Variants in MYLIP observed in about 807,000 individuals in gnomAD.
MYLIP encodes myosin regulatory light chain interacting protein.
MYLIP carries 26 observed loss-of-function variants against 45.8 expected under a neutral mutation model. The observed-to-expected ratio is 0.57, with a 90% CI of 0.42 to 0.79. MYLIP has a LOEUF of 0.79. Among genes scored for constraint, MYLIP ranks in the 30% least tolerant of loss-of-function variants. The pLI is 0.00. For synonymous variants in MYLIP, 213 were observed against 218.1 expected (o/e 0.98, Z 0.21); for missense variants, 494 against 555.6 (o/e 0.89, Z 1.11).
intron 2 of MYLIP, among the ~76,000 whole-genome samples, chr6:16,137,932 C>T (rs1759588420): frequency 6.6e-6 from 1 of 151,860 alleles, no homozygotes. Flanking sequence ...TCATCTGTGC[C>T]CACGATGCCA....
downstream of MYLIP, among the ~76,000 whole-genome samples, chr6:16,150,197 G>A (rs193022952): frequency 1.3e-5 from 2 of 152,318 alleles, no homozygotes; most frequent in East Asian, 3.9e-4. Flanking sequence ...CCGACAACAG[G>A]ATAGGGATAA....
rs763592472 is a variant in MYLIP at position 16,143,832 on chromosome 6, C to T, written c.796C>T (p.Arg266Ter). 1 of 1,612,724 alleles carries T rather than the reference C, an allele frequency of 6.2e-7. No individual in the cohort carries two copies. The highest frequency in any genetic ancestry group is 1.7e-5 in the Admixed American group (1 of 59,772). ...ISTRAASGLY[R>*]AITETHAFYR... ...CACCAGGGCGGCCAGCGGGCTCTAC[C>T]GAGCGATAACAGAGACGCACGCATT... The change falls in exon 5 of 7, where the codon CGA becomes TGA. Residue 266 changes from arginine to a stop codon, truncating the protein, a stop_gained. Coordinates refer to ENST00000356840, the MANE Select transcript of MYLIP (RefSeq NM_013262.4). LOFTEE classifies it high-confidence loss of function.
intron 5 of MYLIP, 91 bp downstream of exon 5, chr6:16,143,954 G>A (rs1759732980): frequency 5.1e-6 from 7 of 1,383,818 alleles, no homozygotes; most frequent in Non-Finnish European, 6.9e-6. Context: ...GGATTGTTGT[G>A]TCAATGAGTC....
At chr6:16,162,749 T>TAG in the MYLIP span, among the ~76,000 whole-genome samples, 2 of 125,176 alleles carry the variant, frequency 1.6e-5, no homozygotes, top group African/African-American at 6.9e-5. Flanking sequence ...CCAGGAGTTC[T>TAG]AGACCAGCCT....
At chr6:16,148,322 T>C (rs1009618350), downstream of MYLIP, 2 of 152,228 alleles carry the variant, frequency 1.3e-5, no homozygotes, top group Admixed American at 6.5e-5. Flanking sequence ...AACATCACAG[T>C]TAGTATCTAC....
chr6:16,130,036 G>T (rs1057145201), intron 1 of MYLIP, among the ~76,000 whole-genome samples: 1 of 152,206 alleles, frequency 6.6e-6, no homozygotes, highest in Non-Finnish European at 1.5e-5. Context: ...AGGTGGTATG[G>T]CAGACAGCAC....
chr6:16,159,744 G>C, the MYLIP span, among the ~76,000 whole-genome samples: 1 of 152,306 alleles, frequency 6.6e-6, no homozygotes, highest in East Asian at 1.9e-4. Flanking sequence ...AATGTGGACA[G>C]AAGACCTGAA....
chr6:16,149,598 T>C (rs1759854021), downstream of MYLIP, among the ~76,000 whole-genome samples: 1 of 152,214 alleles, frequency 6.6e-6, no homozygotes, highest in African/African-American at 2.4e-5. Flanking sequence ...GTCACAGTGG[T>C]GGGGAATCTT....
In MYLIP at chr6:16,144,946, A is replaced by C; in HGVS notation, c.877A>C (p.Lys293Gln). The C allele has an allele frequency of 6.2e-7, 1 of 1,614,212 alleles. No individual in the cohort carries two copies. The highest frequency in any genetic ancestry group is 8.5e-7 in the Non-Finnish European group (1 of 1,180,030). ...AVMMQYSRDL[K>Q]GHLASLFLNE... ...GATGATGCAGTATAGCCGTGACTTG[A>C]AGGGCCACTTGGCATCTCTGTTTCT... The change falls in exon 6 of 7, where the codon AAG becomes CAG. Residue 293 changes from lysine (K) to glutamine (Q), a missense_variant. Physicochemically the swap from Lys to Gln is moderately conservative, Grantham distance 53. Coordinates refer to ENST00000356840, the MANE Select transcript of MYLIP (RefSeq NM_013262.4).
At chr6:16,158,473 C>T in the MYLIP span, among the ~76,000 whole-genome samples, 1 of 152,110 alleles carries the variant, frequency 6.6e-6, no homozygotes, top group African/African-American at 2.4e-5. Flanking sequence ...GAATTACCAT[C>T]GATACCAACA....
At chr6:16,151,995 T>C (rs868232672), downstream of MYLIP, among the ~76,000 whole-genome samples, 10 of 152,218 alleles carry the variant, frequency 6.6e-5, no homozygotes, top group African/African-American at 2.4e-4. Context: ...GTATATTACA[T>C]ATGTATTCTT....
chr6:16,153,750 TC>T, the MYLIP span, among the ~76,000 whole-genome samples: 1 of 152,188 alleles, frequency 6.6e-6, no homozygotes, highest in Non-Finnish European at 1.5e-5. Context: ...TCTAAACTTC[TC>T]AAAAGGTCAT....
At position 16,145,044 on chromosome 6, in the gene MYLIP, T is replaced by A; in HGVS notation, c.975T>A (p.His325Gln). Residue 325 changes from histidine to glutamine, a missense_variant, in exon 6 of 7, where the codon CAT becomes CAA. Coordinates refer to ENST00000356840, the MANE Select transcript of MYLIP (RefSeq NM_013262.4). The part of the protein sequence containing the change: ...IKRTSKEVYD[H>Q]ARRALYNAGV... The stretch of plus-strand genomic sequence containing the variant: ...GAACATCAAAGGAGGTGTATGACCA[T>A]GCCAGGAGGGCTCTGTACAATGCTG... 6.2e-7 allele frequency: 1 copy of A among 1,614,206 alleles called. No homozygotes were observed. Among genetic ancestry groups the A allele is most frequent in the South Asian group, 1.1e-5 (1 of 91,088 alleles).
the MYLIP span, among the ~76,000 whole-genome samples, chr6:16,154,176 G>A: frequency 6.6e-6 from 1 of 151,938 alleles, no homozygotes. Context: ...GGAGATGGAG[G>A]AGTCTTGCTA....
the MYLIP span, among the ~76,000 whole-genome samples, chr6:16,162,764 A>AAC: frequency 7.2e-6 from 1 of 139,830 alleles, no homozygotes; most frequent in African/African-American, 2.8e-5. Context: ...CAGCCTGGGT[A>AAC]ACACAGTGTG....
At chr6:16,161,323 G>C in the MYLIP span, 1 of 316,226 alleles carries the variant, frequency 3.2e-6, no homozygotes, top group South Asian at 3.1e-5. Flanking sequence ...AGCTTCAGAT[G>C]GGTGCCCACA....
In MYLIP at chr6:16,145,143, G is replaced by C. The variant is rs1319863241; in HGVS notation, c.1074G>C (p.Met358Ile). 3 of 1,614,188 alleles carry C rather than the reference G, an allele frequency of 1.9e-6. No homozygotes were observed. Among genetic ancestry groups the C allele is most frequent in the Admixed American group, 3.3e-5 (2 of 60,028 alleles). The change falls in exon 6 of 7, where the codon ATG becomes ATC. Residue 358 changes from methionine (M) to isoleucine (I), a missense_variant. Transcript: ENST00000356840. Reference protein sequence around the residue: ...HSPLKSSESSMNCSSCEGLSC... With the variant: ...HSPLKSSESSINCSSCEGLSC... ...CTCTGAAGTCCTCAGAAAGCAGCAT[G>C]AACTGCAGCAGCTGCGAGGGCCTCA... is the stretch of plus-strand genomic sequence containing the variant.
At position 16,143,689 on chromosome 6, in the gene MYLIP, T is replaced by C. The variant is rs1259084568; in HGVS notation, c.663-10T>C. 1 of 1,613,254 alleles carries C rather than the reference T, an allele frequency of 6.2e-7. No individual in the cohort carries two copies. On this transcript the variant is annotated splice_polypyrimidine_tract_variant and intron_variant, in intron 4 of 6. Transcript: ENST00000356840. Reference sequence around the variant, plus strand: ...CTAGATCTGCTTTCTTTTCTCTTCCTGTCTCTTAGGATAGCTTATCCTGTG... The same window carrying C: ...CTAGATCTGCTTTCTTTTCTCTTCCCGTCTCTTAGGATAGCTTATCCTGTG...
intron 6 of MYLIP, 111 bp downstream of exon 6, chr6:16,145,428 T>TG: frequency 8.0e-7 from 1 of 1,249,230 alleles, no homozygotes; most frequent in Non-Finnish European, 1.1e-6. Flanking sequence ...AATGCCCATC[T>TG]TCACCCGGAA....
Sources: gnomAD v4.1 joint callset for allele counts (sites outside exome capture counted in the v4.1 genomes callset) on GRCh38, gnomAD v4.1.1 for gene constraint, MANE v1.5 for transcripts, NCBI Gene and HGNC (gene_info 2026-07-23, HGNC 2026-07-21) for gene names.